The following BMPR1A variants were observed in gnomAD, a reference collection of about 807,000 sequenced individuals.
The protein encoded by BMPR1A is bone morphogenetic protein receptor type-1A.
BMPR1A carries 7 observed loss-of-function variants against 66.0 expected under a neutral mutation model. That is an observed-to-expected ratio of 0.11 (90% CI 0.06 to 0.20). BMPR1A has a LOEUF of 0.20. Among genes scored for constraint, BMPR1A ranks in the 10% least tolerant of loss-of-function variants. BMPR1A has a pLI of 1.00. For missense variants in BMPR1A, 408 were observed against 669.1 expected (o/e 0.61, Z 4.31); for synonymous variants, 200 against 229.7 (o/e 0.87, Z 1.17).
chr10:86,759,777 C>T lies in BMPR1A; in HGVS notation c.-268+2858C>T, dbSNP rs898891767. Among the ~76,000 whole-genome samples the T allele has an allele frequency of 2.6e-5, 4 of 152,204 alleles. No homozygotes were observed. The South Asian group carries it at 8.3e-4, about 32-fold the overall frequency. On this transcript the variant is annotated intron_variant, in intron 1 of 12. Coordinates refer to ENST00000372037, the MANE Select transcript of BMPR1A (RefSeq NM_004329.3). ...GTTCCTTGAAAGTTTGGAAGACCTC[C>T]CCTATGTGACCATTTAGGCCTAGAT...
chr10:86,835,592 G>C (rs987488688), intron 1 of BMPR1A, among the ~76,000 whole-genome samples: 4 of 84,318 alleles, frequency 4.7e-5, no homozygotes, highest in Admixed American at 1.2e-4. Flanking sequence ...AAAAAAAGGT[G>C]TTTTGGCCTA....
At chr10:86,904,006 C>A (rs564150566) in intron 7 of BMPR1A, among the ~76,000 whole-genome samples, 3 of 152,156 alleles carry the variant, frequency 2.0e-5, no homozygotes, top group Non-Finnish European at 4.4e-5. Context: ...TGGGTTCAAG[C>A]GATTCTCGTG....
At chr10:86,863,681 T>G (rs1842742886) in intron 2 of BMPR1A, among the ~76,000 whole-genome samples, 1 of 152,150 alleles carries the variant, frequency 6.6e-6, no homozygotes, top group South Asian at 2.1e-4. Context: ...CTTATTCATA[T>G]TGAGTCTGAG....
chr10:86,855,199 C>T, intron 2 of BMPR1A: 1 of 682,768 alleles, frequency 1.5e-6, no homozygotes, highest in Non-Finnish European at 2.2e-6. Context: ...CCACCACACC[C>T]TGCGTCGCTA....
intron 1 of BMPR1A, among the ~76,000 whole-genome samples, chr10:86,812,609 T>C (rs975552250): frequency 1.3e-5 from 2 of 152,232 alleles, no homozygotes; most frequent in Non-Finnish European, 2.9e-5. Context: ...ACAAGATACA[T>C]GCTTGTTCTC....
At chr10:86,863,135 G>T (rs1842734949) in intron 2 of BMPR1A, among the ~76,000 whole-genome samples, 2 of 152,004 alleles carry the variant, frequency 1.3e-5, no homozygotes, top group South Asian at 2.1e-4. Context: ...CCACCACCAG[G>T]CCTGGCTAAT....
intron 8 of BMPR1A, among the ~76,000 whole-genome samples, chr10:86,915,024 A>G (rs749523227): frequency 6.6e-6 from 1 of 152,212 alleles, no homozygotes; most frequent in Non-Finnish European, 1.5e-5. Context: ...ATTACTCATC[A>G]GTAAAAAGGA....
At chr10:86,771,202 C>G (rs551440167) in intron 1 of BMPR1A, among the ~76,000 whole-genome samples, 1 of 152,218 alleles carries the variant, frequency 6.6e-6, no homozygotes, top group South Asian at 2.1e-4. Flanking sequence ...TGGAGTTTAT[C>G]AAACCTTGGA....
intron 2 of BMPR1A, among the ~76,000 whole-genome samples, chr10:86,867,428 A>G (rs1317532572): frequency 6.6e-6 from 1 of 152,208 alleles, no homozygotes; most frequent in East Asian, 1.9e-4. Context: ...TTCTGCAATA[A>G]CTGATTCACT....
chr10:86,890,008 A>G, intron 3 of BMPR1A, 54 bp from the exon 4 acceptor site: 3 of 1,596,934 alleles, frequency 1.9e-6, no homozygotes, highest in Non-Finnish European at 2.6e-6. Context: ...AATTGTCACG[A>G]AACAATGAGC....
At chr10:86,788,242 A>G (rs766597500) in intron 1 of BMPR1A, among the ~76,000 whole-genome samples, 45 of 152,272 alleles carry the variant, frequency 3.0e-4, no homozygotes, top group Admixed American at 2.0e-3. Flanking sequence ...TAGAGCATAC[A>G]TTGAATCAAA....
intron 1 of BMPR1A, among the ~76,000 whole-genome samples, chr10:86,765,130 G>A (rs1048610257): frequency 1.3e-5 from 2 of 151,834 alleles, no homozygotes; most frequent in Admixed American, 1.3e-4. Context: ...ACGTCATATT[G>A]GACAGTACTG....
At chr10:86,874,706 C>CTT in intron 2 of BMPR1A, among the ~76,000 whole-genome samples, 1 of 125,850 alleles carries the variant, frequency 7.9e-6, no homozygotes, top group Non-Finnish European at 1.6e-5. Context: ...TGCACCCGAC[C>CTT]TTCTTTTTTT....
At chr10:86,769,169 A>C (rs747926787) in intron 1 of BMPR1A, among the ~76,000 whole-genome samples, 8 of 152,164 alleles carry the variant, frequency 5.3e-5, no homozygotes, top group African/African-American at 4.8e-5. Context: ...TGATATAGGA[A>C]ATTTTGTTGC....
At chr10:86,874,621 A>G (rs1468104580) in intron 2 of BMPR1A, among the ~76,000 whole-genome samples, 1 of 144,858 alleles carries the variant, frequency 6.9e-6, no homozygotes, top group African/African-American at 2.5e-5. Flanking sequence ...GTTAGCCTGG[A>G]TGGTCTCGAT....
chr10:86,880,903 GA>G (rs922650598), intron 3 of BMPR1A, among the ~76,000 whole-genome samples: 1 of 152,046 alleles, frequency 6.6e-6, no homozygotes, highest in African/African-American at 2.4e-5. Context: ...TAACACTTAA[GA>G]AAAAAACTAG....
intron 1 of BMPR1A, among the ~76,000 whole-genome samples, chr10:86,780,022 T>C (rs1841411775): frequency 1.3e-5 from 2 of 152,176 alleles, no homozygotes; most frequent in Admixed American, 1.3e-4. Context: ...CCTCCCACCT[T>C]GGCCTCCCGA....
chr10:86,796,991 C>T (rs111534478), intron 1 of BMPR1A, among the ~76,000 whole-genome samples: 1 of 151,914 alleles, frequency 6.6e-6, no homozygotes, highest in Non-Finnish European at 1.5e-5. Flanking sequence ...TGATTTTATA[C>T]TTGGCTTTCT....
At chr10:86,804,792 GTTTTTTTTTT>G (rs5786747) in intron 1 of BMPR1A, among the ~76,000 whole-genome samples, 1 of 57,268 alleles carries the variant, frequency 1.7e-5, no homozygotes, top group African/African-American at 8.2e-5. Context: ...GTTTGTAGGT[GTTTTTTTTTT>G]TTTTTTTTTT....
Sources: allele counts gnomAD v4.1 joint callset (sites outside exome capture counted in the v4.1 genomes callset), GRCh38; gene constraint gnomAD v4.1.1; transcripts MANE v1.5; gene names NCBI Gene and HGNC (gene_info 2026-07-23, HGNC 2026-07-21).